The following CTNNA2 variants were observed in gnomAD, a reference collection of about 807,000 sequenced individuals.
The protein encoded by CTNNA2 is catenin alpha 2, also known as catenin alpha-2.
In CTNNA2, 42 loss-of-function variants were observed where a neutral mutation model predicts 101.0. That is an observed-to-expected ratio of 0.42 (90% confidence interval 0.32 to 0.54). CTNNA2 has a LOEUF of 0.54. Ranked by LOEUF, CTNNA2 falls within the 20% of genes least tolerant of loss-of-function variation. The pLI is 0.14. For synonymous variants in CTNNA2, 450 were observed against 456.4 expected, an observed-to-expected ratio of 0.99 and a Z score of 0.18; for missense variants, 871 against 1,223.1, an observed-to-expected ratio of 0.71 and a Z score of 4.29.
At chr2:79,623,120 C>G (rs1679096722) in intron 1 of CTNNA2, among the ~76,000 whole-genome samples, 1 of 152,120 alleles carries the variant, frequency 6.6e-6, no homozygotes, top group Non-Finnish European at 1.5e-5. Context: ...GAATCATAGT[C>G]TATCAGCATT....
chr2:79,666,601 CACAA>C (rs1357151728), intron 2 of CTNNA2, among the ~76,000 whole-genome samples: 2 of 152,172 alleles, frequency 1.3e-5, no homozygotes, highest in African/African-American at 4.8e-5. Flanking sequence ...TGTTTAACCA[CACAA>C]ATACGGATGG....
intron 7 of CTNNA2, among the ~76,000 whole-genome samples, chr2:80,332,420 G>A (rs35236425): frequency 6.6e-6 from 1 of 152,134 alleles, no homozygotes; most frequent in African/African-American, 2.4e-5. Flanking sequence ...CCTTAATTTA[G>A]GAAGGTCTGC....
intron 3 of CTNNA2, among the ~76,000 whole-genome samples, chr2:79,365,622 T>TA (rs777443385): frequency 9.0e-4 from 81 of 90,306 alleles, no homozygotes; most frequent in African/African-American, 1.1e-3. Context: ...AGGCCCTGTC[T>TA]AAAAAAAAAA....
At chr2:79,218,793 T>G (rs1674303067) in intron 2 of CTNNA2, among the ~76,000 whole-genome samples, 1 of 152,192 alleles carries the variant, frequency 6.6e-6, no homozygotes, top group African/African-American at 2.4e-5. Flanking sequence ...TTTCAAAAAG[T>G]GAATTACCAG....
At chr2:80,375,589 G>A (rs1370870239) in intron 7 of CTNNA2, among the ~76,000 whole-genome samples, 9 of 110,620 alleles carry the variant, frequency 8.1e-5, no homozygotes, top group Non-Finnish European at 1.4e-4. Flanking sequence ...TTTTGAGATG[G>A]AGTCTCACTC....
intron 2 of CTNNA2, among the ~76,000 whole-genome samples, chr2:79,221,195 C>T (rs1302388453): frequency 6.6e-6 from 1 of 152,150 alleles, no homozygotes; most frequent in African/African-American, 2.4e-5. Flanking sequence ...GTTGCCCAGG[C>T]TGGAATGCAG....
chr2:79,787,509 A>T (rs1674940871), intron 3 of CTNNA2, among the ~76,000 whole-genome samples: 1 of 152,122 alleles, frequency 6.6e-6, no homozygotes, highest in South Asian at 2.1e-4. Context: ...TTCATTTCCT[A>T]TTGCTACTGC....
rs57073635 is a variant in CTNNA2 at position 80,364,556 on chromosome 2, ATTTT to A, written c.1057-28638_1057-28635del. On this transcript the variant is annotated intron_variant, in intron 7 of 18. Coordinates refer to ENST00000402739, the MANE Select transcript of CTNNA2 (RefSeq NM_001282597.3). The stretch of plus-strand genomic sequence containing the variant: ...CTGTATTATAATTTGAGAGAAAGTA[ATTTT>A]TTTTTTTTTTTTTTTTCTGATGGTT... 6.4e-3 allele frequency among the ~76,000 whole-genome samples: 790 copies of A among 123,494 alleles called. 5 individuals carry two copies. The highest frequency in any genetic ancestry group is 0.021 in the African/African-American group (713 of 33,518). 81.0% of individuals were successfully genotyped at this position (123,494 alleles called of 152,430 possible).
At chr2:79,479,194 A>G (rs1227152666) in intron 4 of CTNNA2, among the ~76,000 whole-genome samples, 1 of 152,218 alleles carries the variant, frequency 6.6e-6, no homozygotes, top group African/African-American at 2.4e-5. Context: ...AGTTTTCTGC[A>G]TTAAATCTGT....
rs577453978 is a variant in CTNNA2 at position 79,494,528 on chromosome 2, T to G, written c.-134-10526T>G. On this transcript the variant is annotated intron_variant, in intron 4 of 21. Transcript: ENST00000466387. Reference sequence around the variant, plus strand: ...ACTGCACATTAGTGACCAATTGATTTTCCATGAAAGTGTCGAGAAAATTCA... The same window carrying G: ...ACTGCACATTAGTGACCAATTGATTGTCCATGAAAGTGTCGAGAAAATTCA... 2.0e-5 allele frequency among the ~76,000 whole-genome samples: 3 copies of G among 152,262 alleles called. No homozygotes were observed. In the South Asian group the frequency reaches 6.2e-4, roughly 32 times the overall value.
At chr2:79,201,464 T>C (rs2104180716) in intron 2 of CTNNA2, among the ~76,000 whole-genome samples, 1 of 152,166 alleles carries the variant, frequency 6.6e-6, no homozygotes, top group Admixed American at 6.5e-5. Context: ...CTGTTGGAAA[T>C]GAGCTCGAAT....
chr2:79,266,833 T>C (rs1379998470), intron 2 of CTNNA2, among the ~76,000 whole-genome samples: 1 of 152,002 alleles, frequency 6.6e-6, no homozygotes, highest in Non-Finnish European at 1.5e-5. Context: ...AACATAGGCT[T>C]AGGGCAGGCA....
chr2:80,257,507 C>A (rs1672264840), intron 7 of CTNNA2, among the ~76,000 whole-genome samples: 1 of 152,118 alleles, frequency 6.6e-6, no homozygotes, highest in African/African-American at 2.4e-5. Context: ...TGAGAAAGGG[C>A]AGACAGAATA....
At chr2:79,648,451 G>A (rs897276805) in intron 1 of CTNNA2, among the ~76,000 whole-genome samples, 1 of 152,092 alleles carries the variant, frequency 6.6e-6, no homozygotes, top group African/African-American at 2.4e-5. Context: ...TTGGCCAAGG[G>A]ATTTTTTAAG....
intron 1 of CTNNA2, among the ~76,000 whole-genome samples, chr2:79,185,729 T>C (rs1411288097): frequency 6.6e-6 from 1 of 152,190 alleles, no homozygotes; most frequent in African/African-American, 2.4e-5. Context: ...GAGTATTTAA[T>C]AAATGTTAAT....
chr2:79,506,155 G>GTGTGTGAA (rs2103812497), intron 5 of CTNNA2, among the ~76,000 whole-genome samples: 1 of 152,258 alleles, frequency 6.6e-6, no homozygotes, highest in Non-Finnish European at 1.5e-5. Flanking sequence ...AAAATAATGT[G>GTGTGTGAA]TGTGTGCATG....
intron 7 of CTNNA2, among the ~76,000 whole-genome samples, chr2:80,343,426 A>G (rs1037429442): frequency 6.7e-6 from 1 of 148,800 alleles, no homozygotes; most frequent in Admixed American, 6.7e-5. Flanking sequence ...AAAAAAAAAC[A>G]CATAAAAAAA....
At chr2:79,208,204 G>C (rs1361951214) in intron 2 of CTNNA2, among the ~76,000 whole-genome samples, 1 of 152,078 alleles carries the variant, frequency 6.6e-6, no homozygotes, top group Non-Finnish European at 1.5e-5. Flanking sequence ...CAATAGCCTG[G>C]GTAAGATCAT....
chr2:79,733,573 C>T (rs1291890829), intron 2 of CTNNA2, among the ~76,000 whole-genome samples: 2 of 151,992 alleles, frequency 1.3e-5, no homozygotes, highest in Non-Finnish European at 2.9e-5. Context: ...AGTATAAGTT[C>T]ATCCCTGCAA....
Sources: gnomAD v4.1 joint callset for allele counts (sites outside exome capture counted in the v4.1 genomes callset) on GRCh38, gnomAD v4.1.1 for gene constraint, MANE v1.5 for transcripts, NCBI Gene and HGNC (gene_info 2026-07-23, HGNC 2026-07-21) for gene names.